Variants in MAPK10 observed in about 807,000 individuals in gnomAD.
The protein encoded by MAPK10 is JNK3 alpha protein kinase.
In MAPK10, 25 loss-of-function variants were observed where a neutral mutation model predicts 59.3. The observed-to-expected ratio is 0.42, with a 90% CI of 0.31 to 0.59. The LOEUF (loss-of-function observed/expected upper bound fraction) is 0.59, where lower values mean the gene tolerates loss of function less well. MAPK10 is among the 20% of genes least tolerant of loss of function. MAPK10 has a pLI of 0.15. For synonymous variants in MAPK10, 190 were observed against 200.5 expected (o/e 0.95, Z 0.44); for missense variants, 351 against 568.9 (o/e 0.62, Z 3.90).
chr4:86,155,845 C>G (rs2067611494), intron 4 of MAPK10, among the ~76,000 whole-genome samples: 1 of 151,908 alleles, frequency 6.6e-6, no homozygotes, highest in Non-Finnish European at 1.5e-5. Flanking sequence ...TATTTTGGAG[C>G]CGTTATTAAT....
intron 1 of MAPK10, among the ~76,000 whole-genome samples, chr4:86,371,435 A>G (rs1738732625): frequency 6.6e-6 from 1 of 152,188 alleles, no homozygotes; most frequent in African/African-American, 2.4e-5. Context: ...TATTTTATAT[A>G]CAAGAAAACG....
chr4:86,331,297 A>C, intron 2 of MAPK10, among the ~76,000 whole-genome samples: 1 of 152,198 alleles, frequency 6.6e-6, no homozygotes, highest in East Asian at 1.9e-4. Context: ...TTCTGTACAA[A>C]GTAAACAACA....
chr4:86,271,802 C>A (rs1404210004), intron 2 of MAPK10, among the ~76,000 whole-genome samples: 1 of 152,010 alleles, frequency 6.6e-6, no homozygotes, highest in Non-Finnish European at 1.5e-5. Flanking sequence ...CATGAGAACT[C>A]ACTCACTATC....
chr4:86,281,450 A>C (rs971831445), intron 2 of MAPK10, among the ~76,000 whole-genome samples: 3 of 152,010 alleles, frequency 2.0e-5, no homozygotes, highest in Non-Finnish European at 2.9e-5. Flanking sequence ...GCAGTGAGCC[A>C]AGATCACGTT....
intron 2 of MAPK10, among the ~76,000 whole-genome samples, chr4:86,210,283 C>T (rs1452293692): frequency 6.6e-6 from 1 of 151,726 alleles, no homozygotes; most frequent in Non-Finnish European, 1.5e-5. Flanking sequence ...AATAGGATAA[C>T]AAGTTAAAAA....
At position 86,552,467 on chromosome 4, in the gene MAPK10, G is replaced by A. The variant is rs188275986; in HGVS notation, c.-263+41443C>T. On this transcript the variant is annotated intron_variant, in intron 1 of 4. Coordinates refer to the MAPK10 transcript ENST00000502302. The stretch of plus-strand genomic sequence containing the variant: ...AAGGAAGGAAGGAAGGAAGGAGGGA[G>A]GGAGGGAGGGAGGGAGGGAGGGAGG... 6.8e-3 allele frequency among the ~76,000 whole-genome samples: 261 copies of A among 38,644 alleles called. 1 individual carries two copies. Among genetic ancestry groups the A allele is most frequent in the African/African-American group, 0.013 (153 of 11,954 alleles). 25.4% of individuals were successfully genotyped at this position (38,644 alleles called of 152,430 possible).
chr4:86,255,411 A>AT (rs1329840169), intron 2 of MAPK10, among the ~76,000 whole-genome samples: 1 of 151,982 alleles, frequency 6.6e-6, no homozygotes, highest in East Asian at 1.9e-4. Flanking sequence ...GCACCATGAC[A>AT]TTTTAAGACA....
intron 2 of MAPK10, among the ~76,000 whole-genome samples, chr4:86,220,400 A>G (rs2148638137): frequency 6.6e-6 from 1 of 152,320 alleles, no homozygotes; most frequent in Non-Finnish European, 1.5e-5. Context: ...GCATATTGTG[A>G]ATTGAGTAAT....
chr4:86,083,265 T>G (rs1422818484), intron 9 of MAPK10, among the ~76,000 whole-genome samples: 3 of 152,058 alleles, frequency 2.0e-5, no homozygotes, highest in African/African-American at 7.2e-5. Flanking sequence ...CCACTCACAG[T>G]ATCTGGTTTT....
intron 1 of MAPK10, among the ~76,000 whole-genome samples, chr4:86,388,364 C>T (rs531316552): frequency 6.6e-6 from 1 of 152,116 alleles, no homozygotes; most frequent in South Asian, 2.1e-4. Context: ...TGAGTAGTAA[C>T]TTATTTCATA....
intron 2 of MAPK10, among the ~76,000 whole-genome samples, chr4:86,352,808 T>C (rs776587459): frequency 3.9e-5 from 6 of 152,238 alleles, no homozygotes; most frequent in Non-Finnish European, 7.3e-5. Context: ...AAACTGATTA[T>C]GTCAATCTCC....
chr4:86,306,132 TA>T (rs1257058328), intron 2 of MAPK10, among the ~76,000 whole-genome samples: 1 of 152,222 alleles, frequency 6.6e-6, no homozygotes, highest in African/African-American at 2.4e-5. Flanking sequence ...GAAATTAAGC[TA>T]AAAATGTTTA....
chr4:86,514,361 A>G (rs374447952), intron 1 of MAPK10, among the ~76,000 whole-genome samples: 10 of 152,308 alleles, frequency 6.6e-5, no homozygotes, highest in African/African-American at 2.2e-4. Flanking sequence ...GCCAAAACTA[A>G]TTATCACAAA....
intron 1 of MAPK10, among the ~76,000 whole-genome samples, chr4:86,499,512 C>T (rs1755140997): frequency 6.6e-6 from 1 of 152,196 alleles, no homozygotes; most frequent in African/African-American, 2.4e-5. Flanking sequence ...GGTCACGAAA[C>T]ACACTGGAAA....
At chr4:86,542,888 A>G (rs1444453345) in intron 1 of MAPK10, among the ~76,000 whole-genome samples, 2 of 152,112 alleles carry the variant, frequency 1.3e-5, no homozygotes, top group Admixed American at 1.3e-4. Flanking sequence ...ATTGCCTGTC[A>G]CCAGCATGAA....
intron 1 of MAPK10, among the ~76,000 whole-genome samples, chr4:86,437,034 A>AAC: frequency 6.6e-6 from 1 of 151,998 alleles, no homozygotes; most frequent in Admixed American, 6.6e-5. Flanking sequence ...AACACGGTGA[A>AAC]ACCACATCTC....
chr4:86,020,333 G>A (rs1745786241), intron 13 of MAPK10: 1 of 152,190 alleles, frequency 6.6e-6, no homozygotes, highest in Non-Finnish European at 1.5e-5. Context: ...TAGTTGATAG[G>A]CATTTGATGG....
In MAPK10 at chr4:86,046,283, G is replaced by GAATA. The variant is rs531396194; in HGVS notation, c.1111-14856_1111-14853dup. ...AATTTGACTTCCTGTCTTCCTATTT[G>GAATA]AATACGCTTTATTTCTTTCTCTTGC... On this transcript the variant is annotated intron_variant, in intron 11 of 13. Coordinates refer to ENST00000641462, the MANE Select transcript of MAPK10 (RefSeq NM_138982.4). Among the ~76,000 whole-genome samples the GAATA allele has an allele frequency of 4.0e-3, 599 of 151,628 alleles. 7 individuals are homozygous for GAATA. The highest frequency in any genetic ancestry group is 0.014 in the African/African-American group (580 of 41,396).
chr4:86,349,578 A>G (rs984201976), intron 2 of MAPK10, among the ~76,000 whole-genome samples: 1 of 152,234 alleles, frequency 6.6e-6, no homozygotes, highest in Non-Finnish European at 1.5e-5. Flanking sequence ...AGTGAGGTAG[A>G]TAATGCACAG....
Sources: gnomAD v4.1 joint callset for allele counts (sites outside exome capture counted in the v4.1 genomes callset) on GRCh38, gnomAD v4.1.1 for gene constraint, MANE v1.5 for transcripts, NCBI Gene and HGNC (gene_info 2026-07-23, HGNC 2026-07-21) for gene names.